The following TBC1D19 variants were observed in gnomAD, a reference collection of about 807,000 sequenced individuals.
The protein encoded by TBC1D19 is TBC1 domain family member 19, also known as TBC1 domain family, member 19.
In TBC1D19, 60 loss-of-function variants were observed where a neutral mutation model predicts 89.0. That is an observed-to-expected ratio of 0.67 (90% CI 0.55 to 0.84). TBC1D19 has a LOEUF of 0.84. Ranked by LOEUF, TBC1D19 falls within the 40% of genes least tolerant of loss-of-function variation. The pLI, the probability that TBC1D19 is intolerant of heterozygous loss-of-function variation, is 0.00. For missense variants in TBC1D19, 500 were observed against 610.8 expected (o/e 0.82, Z 1.91); for synonymous variants, 189 against 199.7 (o/e 0.95, Z 0.45).
chr4:26,852,901 G>T, the TBC1D19 span, among the ~76,000 whole-genome samples: 176 of 152,334 alleles, frequency 1.2e-3, 1 homozygote, highest in Non-Finnish European at 2.0e-3. Flanking sequence ...TTACAGGCGT[G>T]AGCCACTGCA....
At chr4:26,824,240 C>G in the TBC1D19 span, among the ~76,000 whole-genome samples, 4 of 152,132 alleles carry the variant, frequency 2.6e-5, no homozygotes, top group African/African-American at 4.8e-5. Context: ...AGAGAAGGAC[C>G]AAGTTCTAGC....
In TBC1D19 at chr4:26,730,256, G is replaced by A. The variant is rs575673984; in HGVS notation, c.1085-5199G>A. The stretch of plus-strand genomic sequence containing the variant: ...ACTGTGCTTGGTCTCTGGATATAGA[G>A]ATACATAAATAAAAAGCAGTTCCCA... On this transcript the variant is annotated intron_variant, in intron 15 of 20. Coordinates refer to ENST00000264866, the MANE Select transcript of TBC1D19 (RefSeq NM_018317.4). Among the ~76,000 whole-genome samples, 19 of 152,246 alleles carry A rather than the reference G, an allele frequency of 1.2e-4. No homozygotes were observed. The South Asian group carries it at 3.9e-3, about 32-fold the overall frequency.
intron 7 of TBC1D19, among the ~76,000 whole-genome samples, chr4:26,656,875 T>G (rs540947531): frequency 6.6e-6 from 1 of 152,174 alleles, no homozygotes; most frequent in East Asian, 1.9e-4. Context: ...TTTTGAAAAT[T>G]ATATAAATGA....
At chr4:26,585,114 C>T (rs1739333411) in intron 1 of TBC1D19, 3 of 423,192 alleles carry the variant, frequency 7.1e-6, no homozygotes, top group Non-Finnish European at 1.4e-5. Context: ...TTCTAGTATA[C>T]GATTTTGCTT....
At chr4:26,850,560 A>AAAAAAAAAAAAAAAAAAAAAAAG in the TBC1D19 span, among the ~76,000 whole-genome samples, 1 of 148,590 alleles carries the variant, frequency 6.7e-6, no homozygotes, top group Non-Finnish European at 1.5e-5. Flanking sequence ...AAAAAAAAAA[A>AAAAAAAAAAAAAAAAAAAAAAAG]AAGAAGAAGA....
At chr4:26,850,201 G>T in the TBC1D19 span, among the ~76,000 whole-genome samples, 1 of 151,950 alleles carries the variant, frequency 6.6e-6, no homozygotes, top group Non-Finnish European at 1.5e-5. Context: ...CTTAAAATGA[G>T]GTCATTAGGG....
At chr4:26,634,899 G>A (rs868769287) in intron 4 of TBC1D19, among the ~76,000 whole-genome samples, 8 of 152,158 alleles carry the variant, frequency 5.3e-5, no homozygotes, top group Middle Eastern at 3.4e-3. Flanking sequence ...AACCCATACA[G>A]TTCAAGCCTA....
intron 1 of TBC1D19, among the ~76,000 whole-genome samples, chr4:26,605,854 T>C (rs1445212528): frequency 6.6e-6 from 1 of 152,234 alleles, no homozygotes; most frequent in African/African-American, 2.4e-5. Context: ...AAATGTCTTC[T>C]TTTGAGAAGT....
the TBC1D19 span, among the ~76,000 whole-genome samples, chr4:26,801,799 C>T: frequency 6.6e-6 from 1 of 151,926 alleles, no homozygotes; most frequent in Non-Finnish European, 1.5e-5. Context: ...TCCATGTGAC[C>T]AACGCATATG....
the TBC1D19 span, among the ~76,000 whole-genome samples, chr4:26,781,439 G>A: frequency 6.6e-6 from 1 of 152,142 alleles, no homozygotes; most frequent in Non-Finnish European, 1.5e-5. Flanking sequence ...GAGGTCGTGT[G>A]TGTCTGGCCT....
chr4:26,747,383 A>G (rs1718709525), intron 18 of TBC1D19, among the ~76,000 whole-genome samples: 1 of 152,202 alleles, frequency 6.6e-6, no homozygotes, highest in Non-Finnish European at 1.5e-5. Flanking sequence ...GATATTCTAA[A>G]ACCACCCAAA....
chr4:26,835,476 C>A, the TBC1D19 span, among the ~76,000 whole-genome samples: 1 of 152,158 alleles, frequency 6.6e-6, no homozygotes, highest in Non-Finnish European at 1.5e-5. Flanking sequence ...AGTACACTTC[C>A]AAAAGCTCAC....
At chr4:26,718,778 T>C (rs553176822) in intron 14 of TBC1D19, among the ~76,000 whole-genome samples, 2 of 152,244 alleles carry the variant, frequency 1.3e-5, no homozygotes, top group African/African-American at 4.8e-5. Context: ...TGGAAACCTT[T>C]TGTTTGTTTC....
At chr4:26,648,516 TTGAC>T (rs1432605684) in intron 7 of TBC1D19, among the ~76,000 whole-genome samples, 1 of 152,162 alleles carries the variant, frequency 6.6e-6, no homozygotes, top group African/African-American at 2.4e-5. Context: ...AATCCTGTCT[TTGAC>T]TGCACTGTCC....
At chr4:26,689,281 A>G (rs370795365) in intron 13 of TBC1D19, among the ~76,000 whole-genome samples, 3 of 152,122 alleles carry the variant, frequency 2.0e-5, no homozygotes, top group South Asian at 2.1e-4. Context: ...CATAATTAAA[A>G]TTTTTTGTTT....
chr4:26,585,751 T>G (rs1739374494), intron 1 of TBC1D19, among the ~76,000 whole-genome samples: 1 of 152,104 alleles, frequency 6.6e-6, no homozygotes, highest in African/African-American at 2.4e-5. Context: ...GCCCAGCTAA[T>G]TTTTTATGTT....
chr4:26,600,610 C>T (rs997089672), intron 1 of TBC1D19, among the ~76,000 whole-genome samples: 1 of 152,060 alleles, frequency 6.6e-6, no homozygotes, highest in Non-Finnish European at 1.5e-5. Flanking sequence ...GAGTATACCA[C>T]GAAAGGAGGC....
chr4:26,745,169 T>G (rs1454135662), intron 18 of TBC1D19, among the ~76,000 whole-genome samples: 1 of 152,128 alleles, frequency 6.6e-6, no homozygotes, highest in African/African-American at 2.4e-5. Flanking sequence ...GCATGATACA[T>G]TCTTTTCTAT....
intron 17 of TBC1D19, chr4:26,740,830 C>T (rs897241459): frequency 1.0e-6 from 1 of 985,212 alleles, no homozygotes; most frequent in African/African-American, 1.7e-5. Context: ...TTCTTTATCC[C>T]CCCATTCTAA....
Sources: gnomAD v4.1 joint callset for allele counts (sites outside exome capture counted in the v4.1 genomes callset) on GRCh38, gnomAD v4.1.1 for gene constraint, MANE v1.5 for transcripts, NCBI Gene and HGNC (gene_info 2026-07-23, HGNC 2026-07-21) for gene names.